Variants in KLHDC4 observed in about 807,000 individuals in gnomAD.
KLHDC4 encodes kelch domain-containing protein 4.
A neutral mutation model predicts 62.4 loss-of-function variants in KLHDC4; 90 were observed. That is an observed-to-expected ratio of 1.44 (90% CI 1.22 to 1.72). The LOEUF is 1.72. Among genes scored for constraint, KLHDC4 ranks in the 40% most tolerant of loss-of-function variants. KLHDC4 has a pLI of 0.00. For synonymous variants in KLHDC4, 386 were observed against 284.4 expected, an observed-to-expected ratio of 1.36 and a Z score of -3.59; for missense variants, 1,025 against 699.7, an observed-to-expected ratio of 1.47 and a Z score of -5.25.
chr16:87,717,019 T>A (rs550246631), intron 7 of KLHDC4, among the ~76,000 whole-genome samples: 53 of 152,194 alleles, frequency 3.5e-4, no homozygotes, highest in African/African-American at 1.2e-3. Context: ...ACTGCTTGAG[T>A]TCAGGAGTTC....
exon 1 of KLHDC4, chr16:87,698,636 C>T (rs1037824520): frequency 2.0e-5 from 3 of 152,280 alleles, no homozygotes; most frequent in Non-Finnish European, 4.4e-5. Flanking sequence ...AGGGCAAAGC[C>T]ACTTCCCTGT....
chr16:87,713,916 G>A (rs905582200), intron 8 of KLHDC4, among the ~76,000 whole-genome samples: 1 of 135,346 alleles, frequency 7.4e-6, no homozygotes, highest in Non-Finnish European at 1.6e-5. Flanking sequence ...ACAGCCCCGA[G>A]TTCAGTAACT....
intron 5 of KLHDC4, among the ~76,000 whole-genome samples, chr16:87,743,553 A>C (rs1052854552): frequency 2.0e-5 from 3 of 151,976 alleles, no homozygotes; most frequent in African/African-American, 7.3e-5. Flanking sequence ...ATCCTGGCTA[A>C]CACAGTGAAA....
At chr16:87,723,621 T>G (rs1162165616) in intron 7 of KLHDC4, among the ~76,000 whole-genome samples, 2 of 152,388 alleles carry the variant, frequency 1.3e-5, no homozygotes, top group Non-Finnish European at 1.5e-5. Context: ...TAGGGTGATT[T>G]TCTCTGTGCA....
chr16:87,725,868 A>AC (rs1296284896), intron 7 of KLHDC4, among the ~76,000 whole-genome samples: 1 of 152,166 alleles, frequency 6.6e-6, no homozygotes, highest in Non-Finnish European at 1.5e-5. Flanking sequence ...TACCAAAGAA[A>AC]CAAGCCCGTT....
chr16:87,729,388 G>A (rs1218381499), intron 6 of KLHDC4: 1 of 152,132 alleles, frequency 6.6e-6, no homozygotes, highest in African/African-American at 2.4e-5. Context: ...AGAGAAAGAG[G>A]GCTTCAAATG....
chr16:87,755,166 G>C (rs375537009), intron 4 of KLHDC4, 28 bp downstream of exon 4: 2 of 1,474,878 alleles, frequency 1.4e-6, no homozygotes, highest in South Asian at 1.1e-5. Flanking sequence ...GAAGAGGGAG[G>C]GTGGCTGAGA....
intron 8 of KLHDC4, among the ~76,000 whole-genome samples, chr16:87,713,374 T>C (rs1445338801): frequency 2.0e-5 from 3 of 151,708 alleles, no homozygotes; most frequent in Admixed American, 6.6e-5. Flanking sequence ...GCTACGTTTT[T>C]TTTTTAAGAG....
intron 10 of KLHDC4, among the ~76,000 whole-genome samples, chr16:87,709,039 G>C (rs150170540): frequency 6.7e-4 from 102 of 152,374 alleles, no homozygotes; most frequent in African/African-American, 2.3e-3. Flanking sequence ...CAGAGCCGCA[G>C]CTCCCGTCAG....
At position 87,742,093 on chromosome 16, in the gene KLHDC4, T is replaced by TA. The variant is rs1054697949; in HGVS notation, c.506+6579dup. On this transcript the variant is annotated intron_variant, in intron 5 of 11. Coordinates refer to ENST00000270583, the MANE Select transcript of KLHDC4 (RefSeq NM_017566.4). The stretch of plus-strand genomic sequence containing the variant: ...CCTGACCTTTCCTTTTAGATCAATT[T>TA]AAAAAAAAAAATGACAGAGGAAAAA... Among the ~76,000 whole-genome samples the TA allele has an allele frequency of 6.1e-3, 897 of 147,652 alleles. 8 individuals carry two copies. The highest frequency in any genetic ancestry group is 0.018 in the African/African-American group (715 of 40,460).
chr16:87,713,369 G>A (rs968534450), intron 8 of KLHDC4, among the ~76,000 whole-genome samples: 5 of 148,718 alleles, frequency 3.4e-5, no homozygotes, highest in African/African-American at 9.9e-5. Context: ...ACCTGGCTAC[G>A]TTTTTTTTTT....
exon 1 of KLHDC4, chr16:87,702,353 G>A (rs939694516): frequency 4.5e-6 from 2 of 448,398 alleles, no homozygotes; most frequent in Admixed American, 2.4e-5. Flanking sequence ...ATGGGTGTGA[G>A]GGTGCAGGGG....
intron 5 of KLHDC4, among the ~76,000 whole-genome samples, chr16:87,739,027 AT>A (rs1196653433): frequency 1.8e-4 from 16 of 89,218 alleles, no homozygotes; most frequent in African/African-American, 2.6e-4. Flanking sequence ...CACCTCATCC[AT>A]CCACACACCA....
In KLHDC4 at chr16:87,761,947, A is replaced by AC. The variant is rs778695660; in HGVS notation, c.191+1dup. 1 of 1,612,850 alleles carries AC rather than the reference A, an allele frequency of 6.2e-7. No homozygotes were observed. Among genetic ancestry groups the AC allele is most frequent in the South Asian group, 1.1e-5 (1 of 90,836 alleles). On this transcript the variant is annotated splice_donor_variant, in intron 2 of 11. Transcript: ENST00000270583. LOFTEE classifies it high-confidence loss of function. Reference sequence around the variant, plus strand: ...ACAATATGAAAAATGCTACTTGCTCACCTTGGTGAGGGTGGGGGGCACGGA... The same window carrying AC: ...ACAATATGAAAAATGCTACTTGCTCACCCTTGGTGAGGGTGGGGGGCACGGA...
At chr16:87,760,637 A>C (rs1378831116) in intron 2 of KLHDC4, among the ~76,000 whole-genome samples, 3 of 151,492 alleles carry the variant, frequency 2.0e-5, no homozygotes, top group Non-Finnish European at 4.4e-5. Context: ...GTCTCTACAA[A>C]AAAAATAAAA....
At chr16:87,725,100 T>G (rs1246869731) in intron 7 of KLHDC4, among the ~76,000 whole-genome samples, 2 of 151,910 alleles carry the variant, frequency 1.3e-5, no homozygotes, top group African/African-American at 4.8e-5. Flanking sequence ...TCTGGGTGAC[T>G]TGTTTAGCAG....
intron 6 of KLHDC4, among the ~76,000 whole-genome samples, chr16:87,728,652 A>C (rs1336711367): frequency 1.3e-5 from 2 of 152,206 alleles, no homozygotes; most frequent in Admixed American, 6.5e-5. Context: ...TTATGTGTGC[A>C]TTCTGACAAT....
Position 87,730,657 on chromosome 16 carries a change from A to C in KLHDC4, c.507-13T>G, listed in dbSNP as rs1211372751. ...ACCGCCTGTTGATCTAAAATGAAAT[A>C]AACAAAAAGACACTATCAACCTGCT... is the stretch of plus-strand genomic sequence containing the variant. On this transcript the variant is annotated splice_polypyrimidine_tract_variant and intron_variant, in intron 5 of 11. Transcript: ENST00000270583. 6.2e-7 allele frequency: 1 copy of C among 1,605,776 alleles called. No homozygotes were observed. Among genetic ancestry groups the C allele is most frequent in the Admixed American group, 1.7e-5 (1 of 58,776 alleles).
chr16:87,727,022 G>T, intron 6 of KLHDC4, 98 bp from the exon 7 acceptor site: 1 of 1,339,784 alleles, frequency 7.5e-7, no homozygotes, highest in Non-Finnish European at 1.0e-6. Flanking sequence ...ATTTCCTACT[G>T]TTTGGGGAAA....
Sources: allele counts gnomAD v4.1 joint callset (sites outside exome capture counted in the v4.1 genomes callset), GRCh38; gene constraint gnomAD v4.1.1; transcripts MANE v1.5; gene names NCBI Gene and HGNC (gene_info 2026-07-23, HGNC 2026-07-21).